Variants in LIMD1 observed in about 807,000 individuals in gnomAD.
LIMD1 encodes the protein LIM domain-containing protein 1.
A neutral mutation model predicts 58.4 loss-of-function variants in LIMD1; 23 were observed. The observed-to-expected ratio is 0.39, with a 90% confidence interval of 0.28 to 0.56. The LOEUF (loss-of-function observed/expected upper bound fraction) is 0.56. LIMD1 is among the 20% of genes least tolerant of loss of function. The probability of loss-of-function intolerance (pLI) is 0.57; values close to 1 mark genes in which losing one functional copy is unlikely to be tolerated. For missense variants in LIMD1, 838 were observed against 855.5 expected (o/e 0.98, Z 0.25); for synonymous variants, 334 against 345.5 (o/e 0.97, Z 0.37).
At chr3:45,629,434 A>AAGAAT (rs2125656389) in intron 1 of LIMD1, among the ~76,000 whole-genome samples, 1 of 151,454 alleles carries the variant, frequency 6.6e-6, no homozygotes, top group African/African-American at 2.4e-5. Flanking sequence ...AAAAAAAGAA[A>AAGAAT]AGAAAAGAAA....
At chr3:45,611,976 G>A (rs911970079) in intron 1 of LIMD1, among the ~76,000 whole-genome samples, 2 of 152,140 alleles carry the variant, frequency 1.3e-5, no homozygotes, top group Non-Finnish European at 2.9e-5. Context: ...GAAGTTGGTG[G>A]GAGGCGGTGA....
At chr3:45,617,352 A>T (rs1274526802) in intron 1 of LIMD1, among the ~76,000 whole-genome samples, 1 of 152,182 alleles carries the variant, frequency 6.6e-6, no homozygotes. Context: ...AGTCCAAGAT[A>T]GTCTTAAAAA....
intron 1 of LIMD1, among the ~76,000 whole-genome samples, chr3:45,612,172 C>T (rs1701532076): frequency 6.6e-6 from 1 of 152,024 alleles, no homozygotes; most frequent in South Asian, 2.1e-4. Flanking sequence ...GTAGCCTTGG[C>T]TTCCTGGGCT....
intron 1 of LIMD1, among the ~76,000 whole-genome samples, chr3:45,617,433 G>C (rs946408659): frequency 6.6e-6 from 1 of 152,156 alleles, no homozygotes; most frequent in Admixed American, 6.5e-5. Context: ...GGCAGGCACA[G>C]AACCGATGTT....
chr3:45,641,602 T>G (rs372026719), intron 2 of LIMD1, among the ~76,000 whole-genome samples: 2 of 151,910 alleles, frequency 1.3e-5, no homozygotes, highest in African/African-American at 4.8e-5. Flanking sequence ...CCATTGATAC[T>G]GCATTAAACC....
At chr3:45,632,454 G>A (rs1559519020) in intron 1 of LIMD1, 2 of 934,022 alleles carry the variant, frequency 2.1e-6, no homozygotes, top group Non-Finnish European at 2.6e-6. Flanking sequence ...CACTCTGTCT[G>A]TGGCTGGGGG....
At position 45,682,877 on chromosome 3, in the gene LIMD1, A is replaced by C. The variant is rs905999058; in HGVS notation, c.*5818A>C. 2.0e-5 allele frequency: 3 copies of C among 152,270 alleles called. No homozygotes were observed. Among genetic ancestry groups the C allele is most frequent in the African/African-American group, 7.2e-5 (3 of 41,462 alleles). The allele number at this position is 152,270 out of a possible 1,614,324, so 9.4% of individuals were successfully genotyped here. On this transcript the variant is annotated 3_prime_UTR_variant, in exon 8 of 8. Transcript: ENST00000273317. ...ATGGCCACTCTTAACAAATTACCAC[A>C]ACCTCAGTGGCTTAAAACAACACAA...
rs763389620 is a variant in LIMD1 at position 45,627,281 on chromosome 3, C to CT, written c.1409-8865dup. Among the ~76,000 whole-genome samples, 3 of 152,266 alleles carry CT rather than the reference C, an allele frequency of 2.0e-5. No homozygotes were observed. In the East Asian group the frequency reaches 5.8e-4, roughly 29 times the overall value. The stretch of plus-strand genomic sequence containing the variant: ...TTAGGGATAAGTAGAACCCCTGGAC[C>CT]TTTTCTTCCCCGGTACTCCCTTAGC... On this transcript the variant is annotated intron_variant, in intron 1 of 7. Coordinates refer to ENST00000273317, the MANE Select transcript of LIMD1 (RefSeq NM_014240.3).
rs1243632828 is a variant in LIMD1, at chr3:45,684,878, T to C, written c.*7819T>C. 1.3e-5 allele frequency: 2 copies of C among 152,246 alleles called. No individual in the cohort carries two copies. The highest frequency in any genetic ancestry group is 2.1e-4 in the South Asian group (1 of 4,828). 9.4% of individuals were successfully genotyped at this position (152,246 alleles called of 1,614,324 possible). ...TGCAAGCTTCTAGCTTGCTTATTTA[T>C]GCTTGCAGCTTGACTTTTCAGGCTG... On this transcript the variant is annotated 3_prime_UTR_variant, in exon 8 of 8. Coordinates refer to ENST00000273317, the MANE Select transcript of LIMD1 (RefSeq NM_014240.3).
intron 2 of LIMD1, among the ~76,000 whole-genome samples, chr3:45,655,395 A>T (rs1237941876): frequency 3.9e-5 from 6 of 152,168 alleles, no homozygotes; most frequent in Non-Finnish European, 1.5e-5. Context: ...CTGAAACTAG[A>T]ATTATAAAGA....
At position 45,672,776 on chromosome 3, in the gene LIMD1, C is replaced by T. The variant is rs766889707; in HGVS notation, c.1728C>T (p.Thr576=). The T allele has an allele frequency of 3.3e-5, 54 of 1,613,900 alleles. No homozygotes were observed. The Admixed American group carries it at 5.0e-4, about 15-fold the overall frequency. Residue 576 remains threonine, a synonymous_variant, in exon 5 of 8, where the codon ACC becomes ACT. Transcript: ENST00000273317. Reference sequence around the variant, plus strand: ...AGTGTTTGGATGGGGTGCCCTTCACCGTGGACTCAGAGAACAAGATCTACT... The same window carrying T: ...AGTGTTTGGATGGGGTGCCCTTCACTGTGGACTCAGAGAACAAGATCTACT... ...CNECLDGVPF[T]VDSENKIYCV...
chr3:45,646,081 G>A (rs4362757), intron 2 of LIMD1, among the ~76,000 whole-genome samples: 111,041 of 151,602 alleles, frequency 0.73, 41,983 homozygotes, highest in East Asian at 0.97. Context: ...ATGCAGTCCA[G>A]TACAGTAGCC....
At chr3:45,676,748 T>C (rs976633962) in intron 7 of LIMD1, among the ~76,000 whole-genome samples, 174 bp from the exon 8 acceptor site, 2 of 152,270 alleles carry the variant, frequency 1.3e-5, no homozygotes, top group East Asian at 3.8e-4. Flanking sequence ...CTTGTGGCAG[T>C]GTCTCCTGTG....
chr3:45,640,483 A>G (rs1352130767), intron 2 of LIMD1, among the ~76,000 whole-genome samples: 4 of 152,102 alleles, frequency 2.6e-5, no homozygotes, highest in East Asian at 1.9e-4. Context: ...GCTGGAGTGC[A>G]GTGGCATGAT....
At chr3:45,622,586 C>T (rs1395050021) in intron 1 of LIMD1, among the ~76,000 whole-genome samples, 1 of 152,076 alleles carries the variant, frequency 6.6e-6, no homozygotes, top group Non-Finnish European at 1.5e-5. Context: ...TATACTCACC[C>T]GTGTTTTGAC....
In LIMD1 at chr3:45,683,391, C is replaced by T. The variant is rs1697767914; in HGVS notation, c.*6332C>T. The T allele has an allele frequency of 6.6e-6, 1 of 152,144 alleles. No individual in the cohort carries two copies. Among genetic ancestry groups the T allele is most frequent in the African/African-American group, 2.4e-5 (1 of 41,416 alleles). The allele number at this position is 152,144 out of a possible 1,614,324, so 9.4% of individuals were successfully genotyped here. A position where few individuals can be genotyped will look rare whatever the true frequency, so the allele number is the denominator to read the frequency against. On this transcript the variant is annotated 3_prime_UTR_variant, in exon 8 of 8. Coordinates refer to ENST00000273317, the MANE Select transcript of LIMD1 (RefSeq NM_014240.3). ...GGACCAGAGGCTACTCCCTTTGCAA[C>T]CTCCCCACCCCCAGCCCCTTTTCTG...
intron 2 of LIMD1, among the ~76,000 whole-genome samples, chr3:45,643,929 G>T (rs1701874595): frequency 9.7e-6 from 1 of 102,902 alleles, no homozygotes; most frequent in Middle Eastern, 4.4e-3. Flanking sequence ...TGACCTGCCA[G>T]CCATGCCTTA....
chr3:45,611,314 C>A (rs1445026506), intron 1 of LIMD1, among the ~76,000 whole-genome samples: 2 of 152,260 alleles, frequency 1.3e-5, no homozygotes, highest in Non-Finnish European at 2.9e-5. Context: ...TGCTCCCACG[C>A]AGCCTTAGAA....
Position 45,595,487 on chromosome 3 carries a change from G to C in LIMD1, c.608G>C (p.Ser203Thr), listed in dbSNP as rs1701336343. ...GGAGTGTCCCCCAGCATCGGCCTGA[G>C]TGTAGGGAGTGGGTGGCCTAGCTCC... Reference protein sequence around the residue: ...KPGVSPSIGLSVGSGWPSSPG... With the variant: ...KPGVSPSIGLTVGSGWPSSPG... Residue 203 changes from serine to threonine, a missense_variant, in exon 1 of 8, where the codon AGT (serine) becomes ACT (threonine). By Grantham distance (58) the Ser-to-Thr change is moderately conservative. Coordinates refer to ENST00000273317, the MANE Select transcript of LIMD1 (RefSeq NM_014240.3). 6.2e-7 allele frequency: 1 copy of C among 1,613,920 alleles called. No homozygotes were observed.
Sources: allele counts gnomAD v4.1 joint callset (sites outside exome capture counted in the v4.1 genomes callset), GRCh38; gene constraint gnomAD v4.1.1; transcripts MANE v1.5; gene names NCBI Gene and HGNC (gene_info 2026-07-23, HGNC 2026-07-21).